MPP7: variants seen among roughly 807,000 people sequenced by gnomAD.
MPP7 encodes the protein MAGUK p55 subfamily member 7.
Under a neutral mutation model 76.5 loss-of-function variants are expected in MPP7, and 60 were observed. The observed-to-expected ratio is 0.78, with a 90% CI of 0.64 to 0.97. MPP7 has a LOEUF of 0.97. MPP7 is among the 50% of genes least tolerant of loss of function. The pLI, the probability that MPP7 is intolerant of heterozygous loss-of-function variation, is 0.00. For missense variants in MPP7, 641 were observed against 694.0 expected (o/e 0.92, Z 0.86); for synonymous variants, 237 against 244.5 (o/e 0.97, Z 0.29).
At chr10:28,234,471 C>G (rs1470170375) in intron 2 of MPP7, among the ~76,000 whole-genome samples, 1 of 152,070 alleles carries the variant, frequency 6.6e-6, no homozygotes, top group Non-Finnish European at 1.5e-5. Flanking sequence ...CACAAAGAGA[C>G]TTTTTCCAAA....
chr10:28,189,460 T>G (rs996503648), intron 3 of MPP7, among the ~76,000 whole-genome samples: 4 of 150,636 alleles, frequency 2.7e-5, no homozygotes, highest in Non-Finnish European at 5.9e-5. Flanking sequence ...TTCCAGCTAC[T>G]TGGGAGGTTG....
At chr10:28,114,548 A>T (rs1241673724) in intron 11 of MPP7, among the ~76,000 whole-genome samples, 2 of 152,120 alleles carry the variant, frequency 1.3e-5, no homozygotes, top group Non-Finnish European at 2.9e-5. Flanking sequence ...ATTCTGCTGG[A>T]TGTCACTCTG....
intron 3 of MPP7, among the ~76,000 whole-genome samples, chr10:28,166,408 T>G (rs1227046381): frequency 1.4e-4 from 21 of 145,750 alleles, no homozygotes; most frequent in Admixed American, 1.3e-3. Context: ...TAATTTTTTT[T>G]TTTTTTTTTT....
chr10:28,233,562 C>T (rs1340877416), intron 2 of MPP7, among the ~76,000 whole-genome samples: 1 of 150,622 alleles, frequency 6.6e-6, no homozygotes, highest in Non-Finnish European at 1.5e-5. Context: ...AACAAAAATA[C>T]AAAAAATTAG....
At position 28,069,835 on chromosome 10, in the gene MPP7, G is replaced by T. The variant is rs556715750; in HGVS notation, c.1141C>A (p.Leu381Met). 36 of 1,613,750 alleles carry T rather than the reference G, an allele frequency of 2.2e-5. No homozygotes were observed. The African/African-American group carries it at 4.0e-4, about 18-fold the overall frequency. Residue 381 changes from leucine (L) to methionine (M), a missense_variant, in exon 13 of 17, where the codon CTG (leucine) becomes ATG (methionine). Leu to Met is a conservative substitution (Grantham distance 15). Coordinates refer to ENST00000683449, the MANE Select transcript of MPP7 (RefSeq NM_001318170.2). ...VVLVGPVGVG[L>M]NELKRKLLIS... is the part of the protein sequence containing the mutation. Reference sequence around the variant, plus strand: ...AGCAGCTTTCGTTTCAGTTCATTCAGCCCTACTCCCACGGGACCTGAAAAA... The same window carrying T: ...AGCAGCTTTCGTTTCAGTTCATTCATCCCTACTCCCACGGGACCTGAAAAA...
intron 5 of MPP7, among the ~76,000 whole-genome samples, chr10:28,135,978 C>T (rs1835341024): frequency 6.6e-6 from 1 of 152,090 alleles, no homozygotes; most frequent in African/African-American, 2.4e-5. Context: ...TAGCTGTCCC[C>T]CATTGCTTGC....
At chr10:28,076,058 T>C (rs1020913625) in intron 12 of MPP7, among the ~76,000 whole-genome samples, 17 of 152,220 alleles carry the variant, frequency 1.1e-4, no homozygotes, top group Admixed American at 3.3e-4. Flanking sequence ...ATATGAAAAT[T>C]AGATAATCTG....
chr10:28,126,089 T>C (rs925819577), intron 6 of MPP7, among the ~76,000 whole-genome samples: 8 of 152,156 alleles, frequency 5.3e-5, no homozygotes, highest in Non-Finnish European at 1.2e-4. Context: ...AAAGTAAAAG[T>C]CCATCTGTAA....
intron 16 of MPP7, among the ~76,000 whole-genome samples, chr10:28,055,693 T>A (rs75991108): frequency 0.014 from 2,141 of 152,276 alleles, 75 homozygotes; most frequent in East Asian, 0.12. Flanking sequence ...ATATAATTGT[T>A]GACACAAGGA....
upstream of MPP7, among the ~76,000 whole-genome samples, chr10:28,303,829 G>C (rs897988220): frequency 6.6e-6 from 1 of 152,168 alleles, no homozygotes; most frequent in Non-Finnish European, 1.5e-5. Context: ...GCGCCCTTCA[G>C]CTCTCTTAAA....
intron 11 of MPP7, among the ~76,000 whole-genome samples, chr10:28,106,725 C>T (rs78992032): frequency 0.012 from 1,834 of 152,244 alleles, 52 homozygotes; most frequent in East Asian, 0.11. Flanking sequence ...TCGGACTCAA[C>T]GGCAATCCTT....
chr10:28,211,757 G>A (rs1838145021), intron 2 of MPP7, among the ~76,000 whole-genome samples: 1 of 152,000 alleles, frequency 6.6e-6, no homozygotes, highest in African/African-American at 2.4e-5. Flanking sequence ...TTTAACTGAG[G>A]AAGATGACGG....
At chr10:28,237,210 T>A (rs1029421939) in intron 2 of MPP7, among the ~76,000 whole-genome samples, 1 of 152,210 alleles carries the variant, frequency 6.6e-6, no homozygotes, top group African/African-American at 2.4e-5. Flanking sequence ...TAAAACATAT[T>A]CATTACACGA....
In MPP7 at chr10:28,054,077, C is replaced by G. The variant is rs200132907; in HGVS notation, c.1719G>C (p.Trp573Cys). 6.2e-7 allele frequency: 1 copy of G among 1,613,058 alleles called. No individual in the cohort carries two copies. Among genetic ancestry groups the G allele is most frequent in the East Asian group, 2.2e-5 (1 of 44,858 alleles). ...AAATTTCTCTTAGTTATGAATGTAA[C>G]CAGCTCACTGGCACCCAATGGGTCT... ...ETETHWVPVSWLHS is the reference protein window; with the variant it reads ...ETETHWVPVSCLHS The change falls in exon 17 of 17, where the codon TGG (tryptophan) becomes TGC (cysteine). Residue 573 changes from tryptophan (W) to cysteine (C), a missense_variant. Physicochemically the swap from Trp to Cys is radical, Grantham distance 215 (BLOSUM62 -2). Transcript: ENST00000683449.
At chr10:28,300,984 A>G (rs1841142373) in intron 1 of MPP7, among the ~76,000 whole-genome samples, 1 of 151,828 alleles carries the variant, frequency 6.6e-6, no homozygotes, top group South Asian at 2.1e-4. Context: ...TCAGTAATCC[A>G]TAAGACATTT....
intron 13 of MPP7, among the ~76,000 whole-genome samples, chr10:28,060,253 C>T (rs866133311): frequency 6.6e-6 from 1 of 152,166 alleles, no homozygotes; most frequent in African/African-American, 2.4e-5. Flanking sequence ...CTCATTCCTC[C>T]TTTGCAAAGT....
At chr10:28,334,413 T>G (rs1834497694) in intron 1 of MPP7, 1 of 152,158 alleles carries the variant, frequency 6.6e-6, no homozygotes, top group Non-Finnish European at 1.5e-5. Flanking sequence ...CACTAAATAC[T>G]CAACTGTTAA....
At chr10:28,210,229 C>T (rs1199086155) in intron 2 of MPP7, among the ~76,000 whole-genome samples, 1 of 152,130 alleles carries the variant, frequency 6.6e-6, no homozygotes, top group Non-Finnish European at 1.5e-5. Context: ...TGAGTGAATT[C>T]CCATAATAAA....
At chr10:28,122,691 A>G (rs984200011) in intron 8 of MPP7, among the ~76,000 whole-genome samples, 1 of 152,128 alleles carries the variant, frequency 6.6e-6, no homozygotes, top group African/African-American at 2.4e-5. Context: ...GTCCATATGC[A>G]CTGCTGATTT....
Sources: gnomAD v4.1 joint callset for allele counts (sites outside exome capture counted in the v4.1 genomes callset) on GRCh38, gnomAD v4.1.1 for gene constraint, MANE v1.5 for transcripts, NCBI Gene and HGNC (gene_info 2026-07-23, HGNC 2026-07-21) for gene names.